The following DIP2C variants were observed in gnomAD, a reference collection of about 807,000 sequenced individuals.
The protein encoded by DIP2C is disco-interacting protein 2 homolog C.
In DIP2C, 33 loss-of-function variants were observed where a neutral mutation model predicts 192.4. The observed-to-expected ratio is 0.17, with a 90% CI of 0.13 to 0.23. The LOEUF (loss-of-function observed/expected upper bound fraction) is 0.23. DIP2C is among the 10% of genes least tolerant of loss of function. The pLI is 1.00. For synonymous variants in DIP2C, 979 were observed against 864.1 expected (o/e 1.13, Z -2.33); for missense variants, 1,537 against 2,110.1 (o/e 0.73, Z 5.32).
intron 14 of DIP2C, among the ~76,000 whole-genome samples, chr10:385,744 C>G (rs749432986): frequency 2.0e-5 from 3 of 152,206 alleles, no homozygotes; most frequent in Non-Finnish European, 4.4e-5. Context: ...CAGGCACCAC[C>G]TGGCAGGCTG....
chr10:572,900 G>A lies in DIP2C; in HGVS notation c.86-86370C>T, dbSNP rs547018415. On this transcript the variant is annotated intron_variant, in intron 1 of 36. Coordinates refer to ENST00000280886, the MANE Select transcript of DIP2C (RefSeq NM_014974.3). ...GGCGGGACTCGCTAAACAGGCAGCC[G>A]GAAGATTGCCATCTCGCAGAGAGAG... 5.8e-4 allele frequency among the ~76,000 whole-genome samples: 88 copies of A among 152,262 alleles called. 1 individual carries two copies. Among genetic ancestry groups the A allele is most frequent in the Non-Finnish European group, 1.1e-3 (77 of 68,026 alleles).
rs554174205 is a variant in DIP2C at position 367,324 on chromosome 10, G to A, written c.2132-913C>T. On this transcript the variant is annotated intron_variant, in intron 18 of 36. Transcript: ENST00000280886. Reference sequence around the variant, plus strand: ...CCCAGCTCCTCGGGAGGCGGAGGCAGGAGAATGGCGTGAACCCGGGAGGCA... The same window carrying A: ...CCCAGCTCCTCGGGAGGCGGAGGCAAGAGAATGGCGTGAACCCGGGAGGCA... Among the ~76,000 whole-genome samples, 7 of 151,960 alleles carry A rather than the reference G, an allele frequency of 4.6e-5. No homozygotes were observed. The East Asian group carries it at 1.4e-3, about 29-fold the overall frequency.
chr10:338,274 G>A (rs376674298), intron 29 of DIP2C, among the ~76,000 whole-genome samples: 44 of 152,296 alleles, frequency 2.9e-4, no homozygotes, highest in Admixed American at 2.0e-3. Flanking sequence ...CAAACTTGGC[G>A]TAGCCAAAGT....
chr10:646,594 A>G (rs1855469496), intron 1 of DIP2C, among the ~76,000 whole-genome samples: 1 of 152,246 alleles, frequency 6.6e-6, no homozygotes, highest in African/African-American at 2.4e-5. Context: ...TTGCTGTTAA[A>G]TTAATTTTAT....
intron 1 of DIP2C, among the ~76,000 whole-genome samples, chr10:686,981 C>G (rs984617201): frequency 3.8e-4 from 58 of 152,370 alleles, no homozygotes; most frequent in Admixed American, 1.6e-3. Context: ...TTTTTCCATC[C>G]TCCTCTGTAG....
At chr10:592,059 A>G (rs1851435396) in intron 1 of DIP2C, among the ~76,000 whole-genome samples, 1 of 152,262 alleles carries the variant, frequency 6.6e-6, no homozygotes, top group African/African-American at 2.4e-5. Flanking sequence ...ACACATTCAT[A>G]GCCATGTGTT....
intron 6 of DIP2C, 144 bp downstream of exon 6, chr10:418,921 T>A (rs1316855569): frequency 3.1e-6 from 4 of 1,273,448 alleles, no homozygotes; most frequent in African/African-American, 3.0e-5. Context: ...CCACCTTCCA[T>A]GAGAGGCTCC....
intron 1 of DIP2C, among the ~76,000 whole-genome samples, chr10:654,057 G>C (rs1237913987): frequency 1.3e-5 from 2 of 152,186 alleles, no homozygotes; most frequent in Non-Finnish European, 2.9e-5. Flanking sequence ...CCCCAGCCAA[G>C]TCCAATAAGG....
Position 495,189 on chromosome 10 carries a change from AAC to A in DIP2C, c.86-8661_86-8660del, listed in dbSNP as rs529859770. On this transcript the variant is annotated intron_variant, in intron 1 of 36. Transcript: ENST00000280886. ...ATCTTAAAAAAGTAGAATTTGTAGA[AAC>A]AGAGTGGAATAGGGGTTAGCAGGGA... is the stretch of plus-strand genomic sequence containing the variant. 6.0e-3 allele frequency among the ~76,000 whole-genome samples: 915 copies of A among 152,342 alleles called. 9 individuals are homozygous for A. The highest frequency in any genetic ancestry group is 0.02 in the African/African-American group (838 of 41,572).
intron 31 of DIP2C, among the ~76,000 whole-genome samples, chr10:325,879 G>C (rs540415109): frequency 6.6e-6 from 1 of 151,822 alleles, no homozygotes; most frequent in East Asian, 1.9e-4. Flanking sequence ...GGAACACCAC[G>C]TTTATGAAAA....
At chr10:624,926 G>A (rs1293831153) in intron 1 of DIP2C, among the ~76,000 whole-genome samples, 1 of 152,184 alleles carries the variant, frequency 6.6e-6, no homozygotes, top group Non-Finnish European at 1.5e-5. Context: ...GAGCAAACGA[G>A]GGAGGCGCTC....
chr10:438,162 C>T (rs75546127), intron 4 of DIP2C, among the ~76,000 whole-genome samples: 2,482 of 152,278 alleles, frequency 0.016, 74 homozygotes, highest in African/African-American at 0.056. Context: ...TATTCTTTTG[C>T]ATTTTGCAAA....
At chr10:549,462 G>A (rs1329761005) in intron 1 of DIP2C, among the ~76,000 whole-genome samples, 1 of 152,192 alleles carries the variant, frequency 6.6e-6, no homozygotes, top group African/African-American at 2.4e-5. Flanking sequence ...CACATGAGAA[G>A]GAAGACGAGA....
intron 17 of DIP2C, among the ~76,000 whole-genome samples, chr10:378,340 A>G (rs1961884051): frequency 6.6e-6 from 1 of 152,228 alleles, no homozygotes; most frequent in Non-Finnish European, 1.5e-5. Flanking sequence ...CGAAGGTGAA[A>G]ACAGACACAC....
rs919282422 is a variant in DIP2C, at chr10:286,192, T to A, written c.4119+81A>T. The A allele has an allele frequency of 2.3e-6, 3 of 1,301,072 alleles. No individual in the cohort carries two copies. In the African/African-American group the frequency reaches 4.4e-5, roughly 19 times the overall value. The allele number at this position is 1,301,072 out of a possible 1,614,324, so 80.6% of individuals were successfully genotyped here. On this transcript the variant is annotated intron_variant, in intron 34 of 36. Transcript: ENST00000280886. ...CGGTGTGTGGCAGATGGAGGGCATG[T>A]GAGCAGTTCTGATGGTGTCAAGGCA...
chr10:483,011 T>C (rs1843719158), intron 2 of DIP2C, among the ~76,000 whole-genome samples: 1 of 152,178 alleles, frequency 6.6e-6, no homozygotes, highest in Admixed American at 6.5e-5. Context: ...GACAGTCTTT[T>C]CCTCAACTAG....
intron 1 of DIP2C, among the ~76,000 whole-genome samples, chr10:661,188 G>A (rs1028312597): frequency 2.6e-5 from 4 of 152,164 alleles, no homozygotes; most frequent in Admixed American, 6.5e-5. Context: ...GGACCGCACC[G>A]AGTGGATGAC....
At chr10:618,493 G>A (rs1379681827) in intron 1 of DIP2C, among the ~76,000 whole-genome samples, 5 of 152,178 alleles carry the variant, frequency 3.3e-5, no homozygotes, top group Non-Finnish European at 5.9e-5. Flanking sequence ...AGAGCTCAAG[G>A]CACGAGCAGG....
intron 32 of DIP2C, among the ~76,000 whole-genome samples, chr10:302,686 G>A (rs912503073): frequency 5.3e-5 from 8 of 152,116 alleles, no homozygotes; most frequent in Non-Finnish European, 1.0e-4. Context: ...AAGTGCTCCC[G>A]GGCTGCACAC....
Sources: gnomAD v4.1 joint callset for allele counts (sites outside exome capture counted in the v4.1 genomes callset) on GRCh38, gnomAD v4.1.1 for gene constraint, MANE v1.5 for transcripts, NCBI Gene and HGNC (gene_info 2026-07-23, HGNC 2026-07-21) for gene names.